LRRC4C: variants seen among roughly 807,000 people sequenced by gnomAD.
The protein encoded by LRRC4C is leucine-rich repeat-containing protein 4C.
In LRRC4C, 5 loss-of-function variants were observed where a neutral mutation model predicts 33.6. The ratio of observed to expected loss-of-function variants is 0.15; its 90% confidence interval spans 0.08 to 0.31. The LOEUF is 0.31. Among genes scored for constraint, LRRC4C ranks in the 10% least tolerant of loss-of-function variants. LRRC4C has a pLI of 1.00. For missense variants in LRRC4C, 560 were observed against 796.7 expected, an observed-to-expected ratio of 0.70 and a Z score of 3.58; for synonymous variants, 329 against 302.0, an observed-to-expected ratio of 1.09 and a Z score of -0.93.
At chr11:40,890,655 G>C (rs1161356187) in intron 2 of LRRC4C, among the ~76,000 whole-genome samples, 1 of 152,104 alleles carries the variant, frequency 6.6e-6, no homozygotes, top group Non-Finnish European at 1.5e-5. Context: ...TATGGGAGTA[G>C]AATAGCTGAA....
chr11:40,973,912 A>G (rs1289263164), intron 1 of LRRC4C, among the ~76,000 whole-genome samples: 1 of 152,084 alleles, frequency 6.6e-6, no homozygotes, highest in Non-Finnish European at 1.5e-5. Context: ...TGAAGTAGGG[A>G]TTGTGGAGCC....
chr11:41,434,639 C>A (rs1337410712), intron 1 of LRRC4C, among the ~76,000 whole-genome samples: 1 of 152,190 alleles, frequency 6.6e-6, no homozygotes, highest in Non-Finnish European at 1.5e-5. Flanking sequence ...GATACTCCTA[C>A]CATCTATGTC....
intron 4 of LRRC4C, among the ~76,000 whole-genome samples, chr11:40,296,503 G>A (rs1019103280): frequency 4.6e-5 from 7 of 152,084 alleles, no homozygotes; most frequent in Non-Finnish European, 7.4e-5. Context: ...CCAGTTTTGC[G>A]ATAACATTAA....
chr11:41,437,515 T>G (rs1485067388), intron 1 of LRRC4C, among the ~76,000 whole-genome samples: 1 of 152,080 alleles, frequency 6.6e-6, no homozygotes, highest in East Asian at 1.9e-4. Context: ...TAGGAACAGT[T>G]CATGTCTTCA....
At chr11:40,665,364 GTATATA>G (rs1189493857) in intron 2 of LRRC4C, among the ~76,000 whole-genome samples, 10 of 24,600 alleles carry the variant, frequency 4.1e-4, no homozygotes, top group African/African-American at 9.9e-4. Flanking sequence ...ATATATATAT[GTATATA>G]TATATATATA....
At chr11:41,254,484 T>C (rs2136671047) in intron 1 of LRRC4C, among the ~76,000 whole-genome samples, 1 of 152,212 alleles carries the variant, frequency 6.6e-6, no homozygotes, top group African/African-American at 2.4e-5. Flanking sequence ...ACTAGTCATC[T>C]AAAGAGAAAT....
At chr11:41,230,384 G>A (rs1947731932) in intron 1 of LRRC4C, among the ~76,000 whole-genome samples, 1 of 151,982 alleles carries the variant, frequency 6.6e-6, no homozygotes, top group African/African-American at 2.4e-5. Context: ...AGAAACCATT[G>A]ATAATGGTTT....
At chr11:40,169,735 A>G (rs1176185749) in intron 5 of LRRC4C, among the ~76,000 whole-genome samples, 1 of 152,142 alleles carries the variant, frequency 6.6e-6, no homozygotes, top group Non-Finnish European at 1.5e-5. Flanking sequence ...TAACCCTCGT[A>G]CCAAGTCTAG....
intron 2 of LRRC4C, among the ~76,000 whole-genome samples, chr11:40,654,194 G>A (rs55883122): frequency 8.4e-4 from 128 of 152,298 alleles, no homozygotes; most frequent in African/African-American, 2.5e-3. Flanking sequence ...CAGAGTCCCC[G>A]CTGGTGTACT....
At chr11:40,626,095 AC>A (rs1962901895) in intron 3 of LRRC4C, among the ~76,000 whole-genome samples, 1 of 151,930 alleles carries the variant, frequency 6.6e-6, no homozygotes, top group Admixed American at 6.6e-5. Flanking sequence ...ACCTTTTGTT[AC>A]CCCCATATTT....
At chr11:41,106,276 G>C (rs1427031915) in intron 1 of LRRC4C, among the ~76,000 whole-genome samples, 1 of 151,614 alleles carries the variant, frequency 6.6e-6, no homozygotes, top group Non-Finnish European at 1.5e-5. Context: ...TAGAAAAGTG[G>C]AGATGAGAAA....
chr11:41,141,868 G>A (rs1001718765), intron 1 of LRRC4C, among the ~76,000 whole-genome samples: 7 of 152,012 alleles, frequency 4.6e-5, no homozygotes, highest in African/African-American at 1.7e-4. Flanking sequence ...TGCTATTGGT[G>A]AGTGAACTCA....
At chr11:40,207,318 T>C (rs941622761) in intron 5 of LRRC4C, among the ~76,000 whole-genome samples, 1 of 152,182 alleles carries the variant, frequency 6.6e-6, no homozygotes. Flanking sequence ...CCAGGCATTA[T>C]GGTTTTAAAG....
chr11:40,376,396 G>A (rs1476717979), intron 3 of LRRC4C, among the ~76,000 whole-genome samples: 1 of 152,142 alleles, frequency 6.6e-6, no homozygotes, highest in East Asian at 1.9e-4. Context: ...GTTGAACAGA[G>A]CAGAGACGAC....
At chr11:41,336,369 T>C (rs1205563230) in intron 1 of LRRC4C, among the ~76,000 whole-genome samples, 1 of 151,746 alleles carries the variant, frequency 6.6e-6, no homozygotes, top group African/African-American at 2.4e-5. Flanking sequence ...AAAAAAAGTG[T>C]ATATGCAAAC....
At chr11:40,586,949 G>T (rs887898705) in intron 3 of LRRC4C, among the ~76,000 whole-genome samples, 2 of 152,098 alleles carry the variant, frequency 1.3e-5, no homozygotes, top group Non-Finnish European at 2.9e-5. Context: ...GATTGATTTG[G>T]TGATGCGGGC....
chr11:41,072,611 T>C (rs1938789427), intron 1 of LRRC4C, among the ~76,000 whole-genome samples: 2 of 152,134 alleles, frequency 1.3e-5, no homozygotes, highest in African/African-American at 4.8e-5. Context: ...CTGTACAGCC[T>C]GTGGAGCTGT....
chr11:40,604,301 T>C (rs1419943694), intron 3 of LRRC4C, among the ~76,000 whole-genome samples: 2 of 152,166 alleles, frequency 1.3e-5, no homozygotes, highest in African/African-American at 4.8e-5. Context: ...ATATAGTGCT[T>C]CTCTCATAAT....
chr11:40,956,357 G>A (rs1434909113), intron 1 of LRRC4C, among the ~76,000 whole-genome samples: 4 of 151,664 alleles, frequency 2.6e-5, no homozygotes, highest in African/African-American at 7.3e-5. Flanking sequence ...AGTGATTTAG[G>A]TAGTGAGCAT....
Sources: allele counts gnomAD v4.1 joint callset (sites outside exome capture counted in the v4.1 genomes callset), GRCh38; gene constraint gnomAD v4.1.1; transcripts MANE v1.5; gene names NCBI Gene and HGNC (gene_info 2026-07-23, HGNC 2026-07-21).